Variants in RALYL observed in about 807,000 individuals in gnomAD.
RALYL encodes RALY RNA binding protein like, also known as RNA-binding Raly-like protein.
In RALYL, 29 loss-of-function variants were observed where a neutral mutation model predicts 35.1. The ratio of observed to expected loss-of-function variants is 0.83; its 90% CI spans 0.61 to 1.13. RALYL has a LOEUF of 1.13. RALYL is among the 50% of genes most tolerant of loss of function. The pLI is 0.00. For synonymous variants in RALYL, 120 were observed against 127.6 expected (o/e 0.94, Z 0.40); for missense variants, 359 against 360.4 (o/e 1.00, Z 0.03).
rs191881818 is a variant in RALYL, at chr8:84,847,102, G to A, written c.366-2878G>A. Among the ~76,000 whole-genome samples, 407 of 152,302 alleles carry A rather than the reference G, an allele frequency of 2.7e-3. 1 individual carries two copies. Among genetic ancestry groups the A allele is most frequent in the Non-Finnish European group, 4.2e-3 (285 of 68,024 alleles). On this transcript the variant is annotated intron_variant, in intron 4 of 8. Transcript: ENST00000521268. ...ACCAGTTTAGTGGAAAGTCTTGGGA[G>A]ATGGGCACCTGTGGCCATGTCTTGC...
In RALYL at chr8:84,334,581, G is replaced by A. The variant is rs369494834; in HGVS notation, c.-24+150157G>A. Among the ~76,000 whole-genome samples, 714 of 151,658 alleles carry A rather than the reference G, an allele frequency of 4.7e-3. 6 individuals are homozygous for A. Among genetic ancestry groups the A allele is most frequent in the South Asian group, 0.039 (188 of 4,804 alleles). ...TGTAACTTAACATTTAATATTATGT[G>A]TAATTAAACTATGTAATTATAAAAA... On this transcript the variant is annotated intron_variant, in intron 1 of 8. Coordinates refer to ENST00000521268, the MANE Select transcript of RALYL (RefSeq NM_173848.7).
At chr8:84,845,180 C>T (rs1426270794) in intron 4 of RALYL, among the ~76,000 whole-genome samples, 2 of 152,082 alleles carry the variant, frequency 1.3e-5, no homozygotes, top group Non-Finnish European at 2.9e-5. Context: ...TATTTGGTTA[C>T]ATCTGAAAAT....
chr8:84,281,560 A>T (rs1836566139), intron 1 of RALYL, among the ~76,000 whole-genome samples: 1 of 152,150 alleles, frequency 6.6e-6, no homozygotes, highest in African/African-American at 2.4e-5. Context: ...TTCCAGAATT[A>T]TCTTCTTCTA....
chr8:84,667,653 C>T (rs1039603555), intron 2 of RALYL, among the ~76,000 whole-genome samples: 9 of 151,828 alleles, frequency 5.9e-5, no homozygotes, highest in Admixed American at 1.3e-4. Context: ...TTTTTTTTCC[C>T]TGAATAATCC....
At chr8:84,561,804 C>T (rs148362549) in intron 2 of RALYL, among the ~76,000 whole-genome samples, 3 of 152,002 alleles carry the variant, frequency 2.0e-5, no homozygotes, top group African/African-American at 7.2e-5. Context: ...GAGTGGGACC[C>T]TGTGAGATCT....
intron 2 of RALYL, among the ~76,000 whole-genome samples, chr8:84,564,635 C>T (rs2061664362): frequency 6.6e-6 from 1 of 151,546 alleles, no homozygotes; most frequent in African/African-American, 2.4e-5. Flanking sequence ...CATGGCTTCT[C>T]CCTGAATTGT....
intron 1 of RALYL, chr8:84,346,204 T>C (rs1409686709): frequency 5.2e-5 from 19 of 365,128 alleles, no homozygotes; most frequent in Non-Finnish European, 7.2e-5. Context: ...ATTTTAAATG[T>C]ATTTAAGCAA....
intron 2 of RALYL, among the ~76,000 whole-genome samples, chr8:84,696,020 G>A (rs745856666): frequency 2.2e-4 from 34 of 151,698 alleles, no homozygotes; most frequent in South Asian, 4.1e-4. Flanking sequence ...GCTATGAACA[G>A]GATGATGAAT....
intron 2 of RALYL, among the ~76,000 whole-genome samples, chr8:84,589,928 T>C (rs1812861666): frequency 6.6e-6 from 1 of 152,236 alleles, no homozygotes; most frequent in Non-Finnish European, 1.5e-5. Context: ...GATAAATTGA[T>C]TGTGTTCTAA....
chr8:84,637,228 A>G (rs1443647946), intron 2 of RALYL, among the ~76,000 whole-genome samples: 1 of 152,050 alleles, frequency 6.6e-6, no homozygotes, highest in Admixed American at 6.6e-5. Context: ...GACTTCATCA[A>G]TTCAAGTTTT....
At chr8:84,232,320 T>C (rs942836900) in intron 1 of RALYL, among the ~76,000 whole-genome samples, 2 of 152,124 alleles carry the variant, frequency 1.3e-5, no homozygotes, top group Admixed American at 1.3e-4. Context: ...GTGAAAGTTG[T>C]GTTCAACACA....
At chr8:84,227,542 A>G (rs1361493911) in intron 1 of RALYL, among the ~76,000 whole-genome samples, 2 of 152,184 alleles carry the variant, frequency 1.3e-5, no homozygotes, top group Non-Finnish European at 2.9e-5. Flanking sequence ...TACATTCAAT[A>G]CTTATCAAAC....
chr8:84,416,272 G>C (rs1225256208), intron 1 of RALYL, among the ~76,000 whole-genome samples: 1 of 152,160 alleles, frequency 6.6e-6, no homozygotes, highest in Non-Finnish European at 1.5e-5. Context: ...ACACCTAATA[G>C]CTACTGGTCA....
intron 2 of RALYL, among the ~76,000 whole-genome samples, chr8:84,655,078 T>C (rs901428165): frequency 6.6e-6 from 1 of 152,126 alleles, no homozygotes; most frequent in South Asian, 2.1e-4. Flanking sequence ...AAGTTTTCCT[T>C]TCTGCTACAT....
chr8:84,736,537 A>T (rs1186506837), intron 2 of RALYL, among the ~76,000 whole-genome samples: 1 of 152,122 alleles, frequency 6.6e-6, no homozygotes, highest in Non-Finnish European at 1.5e-5. Flanking sequence ...CACCTGAAAC[A>T]TCAGATTTGT....
chr8:84,190,321 A>G (rs1339439603), intron 1 of RALYL, among the ~76,000 whole-genome samples: 1 of 152,224 alleles, frequency 6.6e-6, no homozygotes, highest in Non-Finnish European at 1.5e-5. Context: ...CATAAAACAC[A>G]TATAAGTGTA....
intron 2 of RALYL, among the ~76,000 whole-genome samples, chr8:84,739,097 T>C (rs1336023177): frequency 1.3e-5 from 2 of 152,018 alleles, no homozygotes; most frequent in African/African-American, 4.8e-5. Context: ...GATTAAGATA[T>C]AATTTTAACT....
chr8:84,550,484 C>A (rs1258524324), intron 2 of RALYL, among the ~76,000 whole-genome samples: 2 of 151,890 alleles, frequency 1.3e-5, no homozygotes, highest in African/African-American at 4.8e-5. Flanking sequence ...AAGTTCTAGA[C>A]TGCAAATAGT....
At chr8:84,851,110 A>T (rs889283062) in intron 5 of RALYL, among the ~76,000 whole-genome samples, 4 of 152,108 alleles carry the variant, frequency 2.6e-5, no homozygotes, top group Admixed American at 2.6e-4. Flanking sequence ...TCTTTGATCA[A>T]TTCTTTCTTT....
Sources: allele counts gnomAD v4.1 joint callset (sites outside exome capture counted in the v4.1 genomes callset), GRCh38; gene constraint gnomAD v4.1.1; transcripts MANE v1.5; gene names NCBI Gene and HGNC (gene_info 2026-07-23, HGNC 2026-07-21).